Variants in AUTS2 observed in about 807,000 individuals in gnomAD.
AUTS2 encodes the protein activator of transcription and developmental regulator AUTS2.
In AUTS2, 17 loss-of-function variants were observed where a neutral mutation model predicts 112.4. The ratio of observed to expected loss-of-function variants is 0.15; its 90% CI spans 0.10 to 0.23. AUTS2 has a LOEUF of 0.23. Among genes scored for constraint, AUTS2 ranks in the 10% least tolerant of loss-of-function variants. The pLI is 1.00. For missense variants in AUTS2, 1,510 were observed against 1,701.6 expected, an observed-to-expected ratio of 0.89 and a Z score of 1.98; for synonymous variants, 751 against 702.7, an observed-to-expected ratio of 1.07 and a Z score of -1.09.
In AUTS2 at chr7:69,905,364, A is replaced by T. The variant is rs558689054; in HGVS notation, c.522+5866A>T. ...TATATATGTGGGTAGATAAGAGGGG[A>T]TTCATTCGGGGAATTTGTTCACATG... On this transcript the variant is annotated intron_variant, in intron 2 of 18. Coordinates refer to ENST00000342771, the MANE Select transcript of AUTS2 (RefSeq NM_015570.4). Among the ~76,000 whole-genome samples the T allele has an allele frequency of 2.0e-5, 3 of 152,248 alleles. No individual in the cohort carries two copies. In the East Asian group the frequency reaches 5.8e-4, roughly 29 times the overall value.
chr7:70,245,140 GTGTGTA>G lies in AUTS2; in HGVS notation c.660+110571_660+110576del, dbSNP rs1339068180. Among the ~76,000 whole-genome samples the G allele has an allele frequency of 2.3e-3, 160 of 68,698 alleles. 5 individuals are homozygous for G. The highest frequency in any genetic ancestry group is 9.5e-3 in the African/African-American group (148 of 15,614). The allele number at this position is 68,698 out of a possible 152,430, so 45.1% of individuals were successfully genotyped here. ...GCCTCAAAAAAAAAAAAAAGTGTGT[GTGTGTA>G]TATATATATATATATATATATATAA... On this transcript the variant is annotated intron_variant, in intron 4 of 18. Coordinates refer to ENST00000342771, the MANE Select transcript of AUTS2 (RefSeq NM_015570.4).
intron 1 of AUTS2, among the ~76,000 whole-genome samples, chr7:69,635,544 A>C (rs1263489446): frequency 6.6e-6 from 1 of 152,208 alleles, no homozygotes; most frequent in East Asian, 1.9e-4. Flanking sequence ...CTGCAGTACC[A>C]GAGGGCACCT....
intron 5 of AUTS2, among the ~76,000 whole-genome samples, chr7:70,528,093 ATTTTTTTTTTTT>A (rs10651355): frequency 3.1e-5 from 3 of 97,278 alleles, no homozygotes; most frequent in African/African-American, 9.0e-5. Context: ...AAATTTAAGG[ATTTTTTTTTTTT>A]TTTTTTTTTT....
At chr7:70,218,073 C>T (rs1811268055) in intron 4 of AUTS2, among the ~76,000 whole-genome samples, 1 of 152,198 alleles carries the variant, frequency 6.6e-6, no homozygotes. Flanking sequence ...CAGGCCTGCC[C>T]ATGCATACAC....
At chr7:69,883,356 T>C (rs1029354859) in intron 1 of AUTS2, among the ~76,000 whole-genome samples, 1 of 150,536 alleles carries the variant, frequency 6.6e-6, no homozygotes, top group Non-Finnish European at 1.5e-5. Context: ...TTTGAGACTA[T>C]CCATAGTACT....
chr7:70,386,029 G>A (rs1793591489), intron 4 of AUTS2, among the ~76,000 whole-genome samples: 2 of 152,266 alleles, frequency 1.3e-5, no homozygotes, highest in East Asian at 1.9e-4. Flanking sequence ...AGGCCTATAC[G>A]GGAGCCTGGG....
At chr7:69,866,942 G>T (rs1302788538) in intron 1 of AUTS2, among the ~76,000 whole-genome samples, 1 of 152,246 alleles carries the variant, frequency 6.6e-6, no homozygotes, top group Non-Finnish European at 1.5e-5. Flanking sequence ...AGTGCTTGAT[G>T]CTTCTGTCAG....
rs577609697 is a variant in AUTS2, at chr7:69,756,922, A to C, written c.310-142364A>C. Among the ~76,000 whole-genome samples the C allele has an allele frequency of 1.4e-4, 22 of 152,324 alleles. No individual in the cohort carries two copies. In the South Asian group the frequency reaches 4.3e-3, roughly 30 times the overall value. On this transcript the variant is annotated intron_variant, in intron 1 of 18. Transcript: ENST00000342771. ...AAAAAGTCAGTATTTGCTTTGGGTCAATAAAGAAACCCTTTATTTTGCTTT... is the reference window on the plus strand; with the variant it reads ...AAAAAGTCAGTATTTGCTTTGGGTCCATAAAGAAACCCTTTATTTTGCTTT...
intron 5 of AUTS2, among the ~76,000 whole-genome samples, chr7:70,493,174 C>A (rs1398437554): frequency 6.6e-6 from 1 of 152,128 alleles, no homozygotes; most frequent in East Asian, 1.9e-4. Context: ...AGGTATATTT[C>A]CACTTCCAAA....
At chr7:70,434,163 T>C (rs1056684924) in intron 4 of AUTS2, among the ~76,000 whole-genome samples, 1 of 152,182 alleles carries the variant, frequency 6.6e-6, no homozygotes, top group African/African-American at 2.4e-5. Context: ...GGAGACAAAA[T>C]TGTTTCTAGA....
chr7:70,060,714 A>G (rs1344252216), intron 2 of AUTS2, among the ~76,000 whole-genome samples: 2 of 152,328 alleles, frequency 1.3e-5, no homozygotes, highest in Non-Finnish European at 1.5e-5. Flanking sequence ...AACTTCCGGC[A>G]TGGAAGGTGT....
At chr7:70,287,999 G>T (rs898533216) in intron 4 of AUTS2, among the ~76,000 whole-genome samples, 1 of 152,082 alleles carries the variant, frequency 6.6e-6, no homozygotes, top group Non-Finnish European at 1.5e-5. Context: ...TGAAGGAAGA[G>T]AATTTTTGCT....
At chr7:70,486,180 T>C (rs965846073) in intron 5 of AUTS2, among the ~76,000 whole-genome samples, 1 of 152,028 alleles carries the variant, frequency 6.6e-6, no homozygotes, top group East Asian at 1.9e-4. Context: ...AGATCAGCCC[T>C]AGAAGGAAAG....
At chr7:69,922,031 T>G (rs1193928311) in intron 2 of AUTS2, among the ~76,000 whole-genome samples, 1 of 151,936 alleles carries the variant, frequency 6.6e-6, no homozygotes. Context: ...GCCATTGCAC[T>G]CCAGCCTGGG....
intron 5 of AUTS2, among the ~76,000 whole-genome samples, chr7:70,648,414 C>T (rs904372592): frequency 2.9e-4 from 44 of 152,270 alleles, no homozygotes; most frequent in African/African-American, 1.0e-3. Flanking sequence ...GGCGTGGGAG[C>T]ATCTGTGGTG....
chr7:70,104,791 C>CT (rs991815188), intron 2 of AUTS2, among the ~76,000 whole-genome samples: 3 of 151,194 alleles, frequency 2.0e-5, no homozygotes, highest in Admixed American at 1.3e-4. Flanking sequence ...TGAAGTATGT[C>CT]TTTTTTTTTC....
At chr7:70,506,008 G>A (rs565493075) in intron 5 of AUTS2, among the ~76,000 whole-genome samples, 126 of 152,286 alleles carry the variant, frequency 8.3e-4, no homozygotes, top group African/African-American at 2.9e-3. Context: ...GGCCTTGAAC[G>A]TGATGCCTCC....
At chr7:70,487,936 G>A (rs969847702) in intron 5 of AUTS2, among the ~76,000 whole-genome samples, 10 of 152,194 alleles carry the variant, frequency 6.6e-5, no homozygotes, top group African/African-American at 9.6e-5. Context: ...AGGCTGGGGC[G>A]GTGGTGGGCC....
intron 5 of AUTS2, among the ~76,000 whole-genome samples, chr7:70,478,190 A>G (rs1797654048): frequency 6.6e-6 from 1 of 152,134 alleles, no homozygotes; most frequent in Admixed American, 6.5e-5. Flanking sequence ...TTGCTTTTCT[A>G]TTATAAAAGT....
Sources: gnomAD v4.1 joint callset for allele counts (sites outside exome capture counted in the v4.1 genomes callset) on GRCh38, gnomAD v4.1.1 for gene constraint, MANE v1.5 for transcripts, NCBI Gene and HGNC (gene_info 2026-07-23, HGNC 2026-07-21) for gene names.